Variants in CLGN observed in about 807,000 individuals in gnomAD.
CLGN encodes the protein calmegin.
CLGN carries 62 observed loss-of-function variants against 79.1 expected under a neutral mutation model. The ratio of observed to expected loss-of-function variants is 0.78; its 90% CI spans 0.64 to 0.97. CLGN has a LOEUF of 0.97. CLGN is among the 50% of genes least tolerant of loss of function. The probability of loss-of-function intolerance (pLI) is 0.00; values close to 1 mark genes in which losing one functional copy is unlikely to be tolerated. For missense variants in CLGN, 647 were observed against 715.5 expected (o/e 0.90, Z 1.09); for synonymous variants, 225 against 224.7 (o/e 1.00, Z -0.01).
intron 4 of CLGN, 90 bp downstream of exon 4, chr4:140,409,747 A>G (rs112402182): frequency 1.4e-6 from 1 of 738,322 alleles, no homozygotes; most frequent in Non-Finnish European, 2.2e-6. Context: ...GGGGGACTCC[A>G]GCCAACACAA....
In CLGN at chr4:140,389,005, T is replaced by C; in HGVS notation, c.*219A>G. The C allele has an allele frequency of 7.6e-6, 4 of 523,844 alleles. No individual in the cohort carries two copies. Among genetic ancestry groups the C allele is most frequent in the Non-Finnish European group, 1.4e-5 (4 of 293,822 alleles). 32.4% of individuals were successfully genotyped at this position (523,844 alleles called of 1,614,324 possible). Reference sequence around the variant, plus strand: ...AATGGTATTAATCTCTTAGATCCGATATGTAATGTGCCACTTTTATTCTAA... The same window carrying C: ...AATGGTATTAATCTCTTAGATCCGACATGTAATGTGCCACTTTTATTCTAA... On this transcript the variant is annotated 3_prime_UTR_variant, in exon 15 of 15. Transcript: ENST00000325617.
At position 140,390,723 on chromosome 4, in the gene CLGN, C is replaced by G. The variant is rs778559940; in HGVS notation, c.1657G>C (p.Glu553Gln). Residue 553 changes from glutamate (E) to glutamine (Q), a missense_variant, in exon 14 of 15, where the codon GAA becomes CAA. Transcript: ENST00000325617. ...TCACTCTTTTCCTCAGGTTCACTTT[C>G]CTCTTCTAGAATACAGATTTTGTTA... ...NDGEMLEKEE[E>Q]SEPEEKSEEE... 2 of 1,597,468 alleles carry G rather than the reference C, an allele frequency of 1.3e-6. No homozygotes were observed. Among genetic ancestry groups the G allele is most frequent in the Non-Finnish European group, 1.7e-6 (2 of 1,170,280 alleles).
intron 8 of CLGN, among the ~76,000 whole-genome samples, chr4:140,398,466 G>A (rs1282279526): frequency 6.6e-6 from 1 of 151,408 alleles, no homozygotes; most frequent in African/African-American, 2.4e-5. Context: ...ACGGGGTTTC[G>A]CCATGTTGGC....
intron 8 of CLGN, among the ~76,000 whole-genome samples, chr4:140,396,877 A>T: frequency 1.6e-5 from 1 of 63,122 alleles, no homozygotes; most frequent in African/African-American, 7.0e-5. Context: ...ATATATACAT[A>T]TATATATATA....
intron 1 of CLGN, 55 bp from the exon 2 acceptor site, chr4:140,413,142 TA>T: frequency 3.0e-6 from 4 of 1,347,268 alleles, no homozygotes; most frequent in African/African-American, 2.9e-5. Flanking sequence ...AAATAAGTGT[TA>T]AGTATATGTA....
In CLGN at chr4:140,418,017, G is replaced by C. The variant is rs1227318489; in HGVS notation, c.-9-4930C>G. 2.6e-5 allele frequency among the ~76,000 whole-genome samples: 4 copies of C among 152,236 alleles called. No homozygotes were observed. In the South Asian group the frequency reaches 8.3e-4, roughly 32 times the overall value. On this transcript the variant is annotated intron_variant, in intron 1 of 14. Transcript: ENST00000325617. ...ACCAAAACAGAGATATGGATCAATG[G>C]AACAAAACAGAGCCCTCAGAAATAA... is the stretch of plus-strand genomic sequence containing the variant.
At chr4:140,394,089 A>G (rs1290055788) in intron 10 of CLGN, 48 bp from the exon 11 acceptor site, 1 of 1,360,222 alleles carries the variant, frequency 7.4e-7, no homozygotes, top group Non-Finnish European at 1.0e-6. Flanking sequence ...TAACTTCATT[A>G]TAAATGCTGC....
intron 8 of CLGN, among the ~76,000 whole-genome samples, chr4:140,397,531 TATGTC>T (rs1728915514): frequency 6.6e-6 from 1 of 152,160 alleles, no homozygotes; most frequent in South Asian, 2.1e-4. Context: ...TCTTGGATTT[TATGTC>T]ATATTTGGAA....
intron 8 of CLGN, among the ~76,000 whole-genome samples, chr4:140,396,892 T>TATAC (rs1560739964): frequency 7.8e-5 from 2 of 25,628 alleles, no homozygotes; most frequent in African/African-American, 1.3e-4. Flanking sequence ...TATATATATG[T>TATAC]ATATATATAT....
chr4:140,394,009 T>C lies in CLGN; in HGVS notation c.1182A>G (p.Pro394=). 6.2e-7 allele frequency: 1 copy of C among 1,613,504 alleles called. No homozygotes were observed. Among genetic ancestry groups the C allele is most frequent in the Admixed American group, 1.7e-5 (1 of 60,000 alleles). ...ATGGATGATCATCTTCGAAATAATC[T>C]GGATTAGGAATTTTTCGAGGACTCC... ...GIWSPRKIPN[P]DYFEDDHPFL... is the part of the protein sequence containing the mutation. Residue 394 remains proline, a synonymous_variant, in exon 11 of 15, where the codon CCA becomes CCG. Coordinates refer to ENST00000325617, the MANE Select transcript of CLGN (RefSeq NM_004362.3).
chr4:140,395,038 G>A (rs1244525220), intron 10 of CLGN, among the ~76,000 whole-genome samples: 8 of 152,094 alleles, frequency 5.3e-5, no homozygotes, highest in East Asian at 3.9e-4. Context: ...TTAGCCGGGC[G>A]TGCTGGGGTG....
In CLGN at chr4:140,390,724, C is replaced by T. The variant is rs1257582531; in HGVS notation, c.1656G>A (p.Glu552=). The T allele has an allele frequency of 6.3e-7, 1 of 1,596,000 alleles. No individual in the cohort carries two copies. The highest frequency in any genetic ancestry group is 1.3e-5 in the African/African-American group (1 of 74,182). The change falls in exon 14 of 15, where the codon GAG becomes GAA. Residue 552 remains glutamate, a synonymous_variant. Coordinates refer to ENST00000325617, the MANE Select transcript of CLGN (RefSeq NM_004362.3). ...CACTCTTTTCCTCAGGTTCACTTTC[C>T]TCTTCTAGAATACAGATTTTGTTAA... The part of the protein sequence containing the change: ...QNDGEMLEKE[E]ESEPEEKSEE...
At position 140,390,659 on chromosome 4, in the gene CLGN, T is replaced by C; in HGVS notation, c.1721A>G (p.Asn574Ser). ...IEIIEGQEES[N>S]QSNKSGSEDE... Reference sequence around the variant, plus strand: ...CTCTGACCCAGACTTATTTGATTGATTACTTTCTTCTTGCCCTTCTATGAT... The same window carrying C: ...CTCTGACCCAGACTTATTTGATTGACTACTTTCTTCTTGCCCTTCTATGAT... Residue 574 changes from asparagine (N) to serine (S), a missense_variant, in exon 14 of 15, where the codon AAT becomes AGT. By Grantham distance (46) the Asn-to-Ser change is conservative. Coordinates refer to ENST00000325617, the MANE Select transcript of CLGN (RefSeq NM_004362.3). 1 of 1,604,280 alleles carries C rather than the reference T, an allele frequency of 6.2e-7. No homozygotes were observed. The highest frequency in any genetic ancestry group is 2.3e-5 in the East Asian group (1 of 44,372).
At chr4:140,410,704 C>T in intron 2 of CLGN, 78 bp from the exon 3 acceptor site, 1 of 914,078 alleles carries the variant, frequency 1.1e-6, no homozygotes, top group Non-Finnish European at 1.7e-6. Flanking sequence ...TAGTGAAGAA[C>T]ATAGTATGTA....
At chr4:140,404,070 T>A (rs1021401423) in intron 5 of CLGN, among the ~76,000 whole-genome samples, 4 of 151,948 alleles carry the variant, frequency 2.6e-5, no homozygotes, top group Non-Finnish European at 5.9e-5. Flanking sequence ...CTTCCTTTTT[T>A]AATTTTATTT....
At chr4:140,412,226 G>C (rs1414973575) in intron 2 of CLGN, among the ~76,000 whole-genome samples, 1 of 152,124 alleles carries the variant, frequency 6.6e-6, no homozygotes, top group East Asian at 1.9e-4. Flanking sequence ...AGGAAATGAA[G>C]TAAAGAAATC....
At position 140,389,280 on chromosome 4, in the gene CLGN, C is replaced by T. The variant is rs1728730948; in HGVS notation, c.1777G>A (p.Gly593Arg). ...GACTTTATCGGCCCATCTCCAGATC[C>T]TGTGCTCTCATCTGCTTCTTTCATC... is the stretch of plus-strand genomic sequence containing the variant. ...DEMKEADEST[G>R]SGDGPIKSVR... The change falls in exon 15 of 15, where the codon GGA becomes AGA. Residue 593 changes from glycine to arginine, a missense_variant. Physicochemically the swap from Gly to Arg is moderately radical, Grantham distance 125 (BLOSUM62 -2). Transcript: ENST00000325617. The T allele has an allele frequency of 6.2e-7, 1 of 1,612,242 alleles. No homozygotes were observed. Among genetic ancestry groups the T allele is most frequent in the Admixed American group, 1.7e-5 (1 of 59,934 alleles).
chr4:140,421,006 T>C (rs549893185), intron 1 of CLGN, among the ~76,000 whole-genome samples: 5 of 152,270 alleles, frequency 3.3e-5, no homozygotes, highest in African/African-American at 1.2e-4. Context: ...TATCTATCTC[T>C]ATGATTTTGA....
At chr4:140,410,856 G>A (rs889958949) in intron 2 of CLGN, among the ~76,000 whole-genome samples, 3 of 151,878 alleles carry the variant, frequency 2.0e-5, no homozygotes, top group African/African-American at 7.2e-5. Flanking sequence ...TGGATACACT[G>A]ACCCCTTCTA....
Sources: allele counts gnomAD v4.1 joint callset (sites outside exome capture counted in the v4.1 genomes callset), GRCh38; gene constraint gnomAD v4.1.1; transcripts MANE v1.5; gene names NCBI Gene and HGNC (gene_info 2026-07-23, HGNC 2026-07-21).